RAD21: variants seen among roughly 807,000 people sequenced by gnomAD.
RAD21 encodes the protein double-strand-break repair protein rad21 homolog.
Under a neutral mutation model 71.5 loss-of-function variants are expected in RAD21, and 18 were observed. The ratio of observed to expected loss-of-function variants is 0.25; its 90% CI spans 0.17 to 0.37. RAD21 has a LOEUF of 0.37. RAD21 is among the 10% of genes least tolerant of loss of function. The pLI is 1.00. For missense variants in RAD21, 493 were observed against 769.1 expected (o/e 0.64, Z 4.25); for synonymous variants, 248 against 254.0 (o/e 0.98, Z 0.22).
intron 3 of RAD21, 94 bp downstream of exon 3, chr8:116,863,036 G>A: frequency 7.0e-7 from 1 of 1,428,904 alleles, no homozygotes. Context: ...AAAGCATGTA[G>A]ATTTAGAAAA....
intron 2 of RAD21, 128 bp downstream of exon 2, chr8:116,866,454 TAATA>T: frequency 1.3e-6 from 1 of 742,414 alleles, no homozygotes. Context: ...GGACTTCACA[TAATA>T]AAGAAACATT....
intron 4 of RAD21, among the ~76,000 whole-genome samples, chr8:116,858,813 T>G (rs560690700): frequency 6.6e-6 from 1 of 152,200 alleles, no homozygotes; most frequent in African/African-American, 2.4e-5. Context: ...TTCCCTGACT[T>G]CCCTGAGACT....
intron 2 of RAD21, among the ~76,000 whole-genome samples, 199 bp downstream of exon 2, chr8:116,866,387 A>G (rs1812693812): frequency 6.6e-6 from 1 of 152,040 alleles, no homozygotes; most frequent in African/African-American, 2.4e-5. Flanking sequence ...ATATGCACTT[A>G]GAGATTTTTT....
Position 116,848,936 on chromosome 8 carries a change from G to A in RAD21, c.1704+10C>T. 6.3e-7 allele frequency: 1 copy of A among 1,597,050 alleles called. No individual in the cohort carries two copies. The highest frequency in any genetic ancestry group is 8.5e-7 in the Non-Finnish European group (1 of 1,171,230). On this transcript the variant is annotated intron_variant, in intron 13 of 13. Transcript: ENST00000297338. The stretch of plus-strand genomic sequence containing the variant: ...TGAAGCATTTTCCTCTGAGACAACA[G>A]CGGCAATACCTGAAGACCATGAAGC...
In RAD21 at chr8:116,857,333, G is replaced by C. The variant is rs1563690574; in HGVS notation, c.622C>G (p.His208Asp). ...TTATATTGATCTTCATATTCTAAAT[G>C]GTTAATTTTCTCATTCAGATTGCTG... is the stretch of plus-strand genomic sequence containing the variant. ...STSNLNEKIN[H>D]LEYEDQYKDD... is the part of the protein sequence containing the mutation. Residue 208 changes from histidine (H) to aspartate (D), a missense_variant, in exon 6 of 14, where the codon CAT (histidine) becomes GAT (aspartate). This residue lies in a region of RAD21 where 165 missense variants were observed against 229.6 expected (regional missense o/e 0.72). Transcript: ENST00000297338. 1 of 1,611,850 alleles carries C rather than the reference G, an allele frequency of 6.2e-7. No homozygotes were observed. Among genetic ancestry groups the C allele is most frequent in the East Asian group, 2.2e-5 (1 of 44,784 alleles).
Position 116,852,650 on chromosome 8 carries a change from C to T in RAD21, c.1220G>A (p.Gly407Glu), listed in dbSNP as rs1162798324. The T allele has an allele frequency of 1.2e-6, 2 of 1,613,106 alleles. No individual in the cohort carries two copies. The highest frequency in any genetic ancestry group is 8.5e-7 in the Non-Finnish European group (1 of 1,179,510). ...TTCATCCAAATTATCTGCCTCTCCT[C>T]CTTTCCTCCTTTTTCTAAGGTCTTC... ...VPEDLRKRRKGGEADNLDEFL... is the reference protein window; with the variant it reads ...VPEDLRKRRKEGEADNLDEFL... The change falls in exon 10 of 14, where the codon GGA becomes GAA. Residue 407 changes from glycine (G) to glutamate (E), a missense_variant. Physicochemically the swap from Gly to Glu is moderately conservative, Grantham distance 98. Transcript: ENST00000297338.
intron 1 of RAD21, among the ~76,000 whole-genome samples, chr8:116,869,339 C>T (rs1812761456): frequency 6.6e-6 from 1 of 152,180 alleles, no homozygotes; most frequent in African/African-American, 2.4e-5. Context: ...AAACCCAGCA[C>T]TTTGGCAGGC....
chr8:116,854,819 A>T (rs1812428675), intron 8 of RAD21, among the ~76,000 whole-genome samples: 1 of 152,202 alleles, frequency 6.6e-6, no homozygotes, highest in Admixed American at 6.5e-5. Flanking sequence ...TTCTCATTTG[A>T]AACAGGGCCC....
At chr8:116,851,788 C>A (rs1160910833) in intron 11 of RAD21, 160 bp downstream of exon 11, 6 of 607,518 alleles carry the variant, frequency 9.9e-6, no homozygotes, top group Non-Finnish European at 1.6e-5. Context: ...TCTCTCACTC[C>A]GAGTGGACTG....
chr8:116,852,633 A>G lies in RAD21; in HGVS notation c.1237T>C (p.Leu413=), dbSNP rs201779352. The G allele has an allele frequency of 6.7e-5, 108 of 1,613,502 alleles. 2 individuals are homozygous for G. The East Asian group carries it at 1.1e-3, about 17-fold the overall frequency. The change falls in exon 10 of 14, where the codon TTG becomes CTG. Residue 413 remains leucine, a synonymous_variant. Transcript: ENST00000297338. ...KRRKGGEADN[L]DEFLKEFENP... ...TCAAATTCTTTGAGGAATTCATCCA[A>G]ATTATCTGCCTCTCCTCCTTTCCTC...
chr8:116,873,363 C>CATCA (rs1310921079), intron 1 of RAD21, among the ~76,000 whole-genome samples: 11 of 152,202 alleles, frequency 7.2e-5, no homozygotes, highest in Admixed American at 6.5e-5. Context: ...CGTATGTCCT[C>CATCA]ATCAATGCCT....
chr8:116,869,419 T>C (rs892509394), intron 1 of RAD21, among the ~76,000 whole-genome samples: 2 of 152,132 alleles, frequency 1.3e-5, no homozygotes, highest in Non-Finnish European at 2.9e-5. Context: ...ACCCTGTCTC[T>C]ACTAAAAAAC....
intron 1 of RAD21, among the ~76,000 whole-genome samples, chr8:116,869,969 C>T (rs1409083542): frequency 1.3e-5 from 2 of 151,994 alleles, no homozygotes; most frequent in African/African-American, 2.4e-5. Context: ...TTTAGTTACG[C>T]GTATCACAAG....
At position 116,857,372 on chromosome 8, in the gene RAD21, A is replaced by G. The variant is rs755363046; in HGVS notation, c.583T>C (p.Ser195Pro). 1.9e-6 allele frequency: 3 copies of G among 1,612,816 alleles called. No individual in the cohort carries two copies. In the East Asian group the frequency reaches 6.7e-5, roughly 36 times the overall value. ...TTCAGATTGCTGGTGCTCTGTTCAG[A>G]CTCTAATAGGAGGTTAGAAGTAGTA... ...STTTSNLLLE[S>P]EQSTSNLNEK... is the part of the protein sequence containing the mutation. The change falls in exon 6 of 14, where the codon TCT (serine) becomes CCT (proline). Residue 195 changes from serine (S) to proline (P), a missense_variant. Ser to Pro is a moderately conservative substitution (Grantham distance 74). Around this residue, in one of 5 missense-constraint regions of RAD21, gnomAD observed 165 missense variants for 229.6 expected, o/e 0.72. Transcript: ENST00000297338.
Position 116,847,305 on chromosome 8 carries a change from C to A in RAD21, c.*195G>T. ...TGTTTTCTCCATCAGAACACAAACA[C>A]AACCCATCTAATCAGTTTCCCTCAA... On this transcript the variant is annotated 3_prime_UTR_variant, in exon 14 of 14. Transcript: ENST00000297338. 2.0e-6 allele frequency: 1 copy of A among 512,306 alleles called. No homozygotes were observed. Among genetic ancestry groups the A allele is most frequent in the Non-Finnish European group, 3.4e-6 (1 of 292,992 alleles). 31.7% of individuals were successfully genotyped at this position (512,306 alleles called of 1,614,324 possible).
intron 1 of RAD21, among the ~76,000 whole-genome samples, chr8:116,867,428 T>A (rs1812719220): frequency 6.6e-6 from 1 of 152,236 alleles, no homozygotes; most frequent in Admixed American, 6.5e-5. Flanking sequence ...ACAGCAGATT[T>A]ATCTTATGAC....
chr8:116,856,328 T>C (rs1347746587), intron 7 of RAD21, 40 bp from the exon 8 acceptor site: 1 of 1,452,050 alleles, frequency 6.9e-7, no homozygotes, highest in Non-Finnish European at 9.0e-7. Flanking sequence ...CACAAAAAGC[T>C]TTGGTATATA....
chr8:116,847,769 A>AT (rs1812276073), intron 13 of RAD21, 78 bp from the exon 14 acceptor site: 6 of 1,294,744 alleles, frequency 4.6e-6, no homozygotes, highest in Admixed American at 2.3e-5. Context: ...TACAGTTTGA[A>AT]TATTTGTCCC....
Position 116,857,021 on chromosome 8 carries a change from TCAAACA to T in RAD21, c.688+240_688+245del, listed in dbSNP as rs1812485078. ...AAAAATATTTTACTTAACACAGCTA[TCAAACA>T]CAAACAGAACAGTTTTAAGTACTAA... On this transcript the variant is annotated intron_variant, in intron 6 of 13. Coordinates refer to ENST00000297338, the MANE Select transcript of RAD21 (RefSeq NM_006265.3). Among the ~76,000 whole-genome samples the T allele has an allele frequency of 2.6e-5, 4 of 152,224 alleles. No homozygotes were observed. In the South Asian group the frequency reaches 8.3e-4, roughly 32 times the overall value.
Sources: gnomAD v4.1 joint callset for allele counts (sites outside exome capture counted in the v4.1 genomes callset) on GRCh38, gnomAD v4.1.1 for gene constraint, gnomAD v4.1.1 regional missense constraint, MANE v1.5 for transcripts, NCBI Gene and HGNC (gene_info 2026-07-23, HGNC 2026-07-21) for gene names.